Variants in DYNC2I1 observed in about 807,000 individuals in gnomAD.
The protein encoded by DYNC2I1 is cytoplasmic dynein 2 intermediate chain 1.
A neutral mutation model predicts 133.4 loss-of-function variants in DYNC2I1; 89 were observed. The ratio of observed to expected loss-of-function variants is 0.67; its 90% CI spans 0.56 to 0.80. DYNC2I1 has a LOEUF of 0.80. Among genes scored for constraint, DYNC2I1 ranks in the 30% least tolerant of loss-of-function variants. The pLI is 0.00. For synonymous variants in DYNC2I1, 504 were observed against 484.3 expected (o/e 1.04, Z -0.54); for missense variants, 1,291 against 1,314.5 (o/e 0.98, Z 0.28).
chr7:158,887,162 G>GAGGCCGAGAC, intron 7 of DYNC2I1, 87 bp downstream of exon 7: 1 of 1,378,320 alleles, frequency 7.3e-7, no homozygotes, highest in Non-Finnish European at 1.0e-6. Context: ...CTTGAAACCA[G>GAGGCCGAGAC]AGGCCGAGAC....
At chr7:158,890,294 A>G (rs953451404) in intron 7 of DYNC2I1, among the ~76,000 whole-genome samples, 4 of 152,184 alleles carry the variant, frequency 2.6e-5, no homozygotes, top group Non-Finnish European at 5.9e-5. Flanking sequence ...GAGGTAACCA[A>G]TGGGATATTT....
chr7:158,901,836 CT>C lies in DYNC2I1; in HGVS notation c.1137+23del, dbSNP rs1237017806. The C allele has an allele frequency of 2.7e-6, 4 of 1,488,384 alleles. No homozygotes were observed. The highest frequency in any genetic ancestry group is 3.6e-6 in the Non-Finnish European group (4 of 1,104,848). The allele number at this position is 1,488,384 out of a possible 1,614,324, so 92.2% of individuals were successfully genotyped here. A position where few individuals can be genotyped will look rare whatever the true frequency, so the allele number is the denominator to read the frequency against. Reference sequence around the variant, plus strand: ...TTTGAAGTATGTATAAAAGTTAAAACTTTCCTTAGCTTAAAAATCATTTATT... The same window carrying C: ...TTTGAAGTATGTATAAAAGTTAAAACTTCCTTAGCTTAAAAATCATTTATT... On this transcript the variant is annotated intron_variant, in intron 9 of 24. Coordinates refer to ENST00000407559, the MANE Select transcript of DYNC2I1 (RefSeq NM_018051.5).
intron 13 of DYNC2I1, 84 bp from the exon 14 acceptor site, chr7:158,914,149 A>AG (rs565087358): frequency 9.2e-4 from 949 of 1,036,114 alleles, no homozygotes; most frequent in Non-Finnish European, 1.3e-3. Flanking sequence ...TTGATTTGTT[A>AG]GGCCTGTTTG....
upstream of DYNC2I1, among the ~76,000 whole-genome samples, chr7:158,855,731 A>G (rs1404465846): frequency 1.3e-5 from 2 of 152,182 alleles, no homozygotes; most frequent in African/African-American, 4.8e-5. Flanking sequence ...AATTTTGAAA[A>G]GGCGGTTTCA....
At chr7:158,874,855 A>C (rs1342557128) in intron 3 of DYNC2I1, among the ~76,000 whole-genome samples, 1 of 152,162 alleles carries the variant, frequency 6.6e-6, no homozygotes, top group African/African-American at 2.4e-5. Context: ...TGTACCCCAC[A>C]TGAAGCTTCC....
At chr7:158,935,420 A>G (rs1168202361) in intron 23 of DYNC2I1, among the ~76,000 whole-genome samples, 1 of 152,254 alleles carries the variant, frequency 6.6e-6, no homozygotes, top group Non-Finnish European at 1.5e-5. Context: ...CAAGAATTAT[A>G]TGACAGTCAA....
rs569424875 is a variant in DYNC2I1 at position 158,945,127 on chromosome 7, C to T, written c.3003-454C>T. On this transcript the variant is annotated intron_variant, in intron 24 of 24. Coordinates refer to ENST00000407559, the MANE Select transcript of DYNC2I1 (RefSeq NM_018051.5). This position sits in a 1 kb window ranked among gnomAD's most constrained non-coding sequence, Gnocchi z 4.1. ...GGGCACTGGGTGGATGATGGAGGTGCTGGTCCCATGGAGGCCAGGAGTGGA... is the reference window on the plus strand; with the variant it reads ...GGGCACTGGGTGGATGATGGAGGTGTTGGTCCCATGGAGGCCAGGAGTGGA... Among the ~76,000 whole-genome samples the T allele has an allele frequency of 9.2e-5, 14 of 152,246 alleles. 1 individual carries two copies. Among genetic ancestry groups the T allele is most frequent in the African/African-American group, 3.1e-4 (13 of 41,550 alleles).
chr7:158,866,360 C>T (rs910658229), intron 1 of DYNC2I1, among the ~76,000 whole-genome samples: 1 of 151,684 alleles, frequency 6.6e-6, no homozygotes, highest in Non-Finnish European at 1.5e-5. Flanking sequence ...GTTGGACTGT[C>T]CCTGAGTGTC....
chr7:158,949,818 C>T (rs1194581952), downstream of DYNC2I1, among the ~76,000 whole-genome samples: 1 of 151,138 alleles, frequency 6.6e-6, no homozygotes, highest in Non-Finnish European at 1.5e-5. Context: ...CTTGTCTAGG[C>T]TGGAGTGCAA....
chr7:158,850,778 T>TG, the DYNC2I1 span, among the ~76,000 whole-genome samples: 1 of 152,140 alleles, frequency 6.6e-6, no homozygotes, highest in Non-Finnish European at 1.5e-5. Context: ...AATAGGAATA[T>TG]GGTGCCAAAA....
At chr7:158,906,134 GCTTAA>G in intron 11 of DYNC2I1, 43 bp downstream of exon 11, 3 of 1,530,454 alleles carry the variant, frequency 2.0e-6, no homozygotes, top group Non-Finnish European at 2.7e-6. Context: ...CAGGGTTTTA[GCTTAA>G]CTTTTCTTTC....
In DYNC2I1 at chr7:158,943,632, G is replaced by A. The variant is rs1293122451; in HGVS notation, c.3002+1484G>A. On this transcript the variant is annotated intron_variant, in intron 24 of 24. Transcript: ENST00000407559. ...TGTGCTGCTGTGGCGGGGACCGGAG[G>A]GTCTGAGCACAGGAGCCCCAGCTCT... Among the ~76,000 whole-genome samples the A allele has an allele frequency of 5.3e-5, 8 of 152,296 alleles. No individual in the cohort carries two copies. In the East Asian group the frequency reaches 1.5e-3, roughly 29 times the overall value.
chr7:158,948,408 T>C (rs1851954182), downstream of DYNC2I1, among the ~76,000 whole-genome samples: 1 of 152,264 alleles, frequency 6.6e-6, no homozygotes, highest in South Asian at 2.1e-4. Flanking sequence ...CACTTTTCTT[T>C]CAACATTTGC....
intron 8 of DYNC2I1, among the ~76,000 whole-genome samples, chr7:158,896,078 A>G (rs1309556271): frequency 6.6e-6 from 1 of 152,018 alleles, no homozygotes; most frequent in East Asian, 1.9e-4. Flanking sequence ...CTTCCCAATC[A>G]GTATACTTTT....
intron 15 of DYNC2I1, among the ~76,000 whole-genome samples, chr7:158,920,442 G>A (rs1024491020): frequency 6.6e-5 from 10 of 151,662 alleles, no homozygotes; most frequent in South Asian, 2.1e-4. Flanking sequence ...CTGGGAACAC[G>A]TGAAGTATGT....
chr7:158,859,359 A>G (rs1478084063), intron 1 of DYNC2I1, among the ~76,000 whole-genome samples: 1 of 152,118 alleles, frequency 6.6e-6, no homozygotes, highest in Admixed American at 6.5e-5. Context: ...CTTTGTGAGT[A>G]ACATTTTCTT....
the DYNC2I1 span, among the ~76,000 whole-genome samples, chr7:158,844,151 C>T: frequency 6.6e-6 from 1 of 152,198 alleles, no homozygotes; most frequent in African/African-American, 2.4e-5. Flanking sequence ...GTTTTTCTTT[C>T]ACCTTGCAGG....
At chr7:158,862,299 G>A (rs1300485457) in intron 1 of DYNC2I1, among the ~76,000 whole-genome samples, 1 of 151,954 alleles carries the variant, frequency 6.6e-6, no homozygotes, top group Non-Finnish European at 1.5e-5. Context: ...AGAAAAGGAC[G>A]AATCAGGGGA....
intron 23 of DYNC2I1, among the ~76,000 whole-genome samples, chr7:158,939,708 G>A (rs1314020825): frequency 1.3e-5 from 2 of 152,114 alleles, no homozygotes; most frequent in Admixed American, 6.5e-5. Context: ...AGACCCAACT[G>A]TAGGCTGCTC....
Sources: gnomAD v4.1 joint callset for allele counts (sites outside exome capture counted in the v4.1 genomes callset) on GRCh38, gnomAD v4.1.1 for gene constraint, Gnocchi (gnomAD v3.1) non-coding constraint, MANE v1.5 for transcripts, NCBI Gene and HGNC (gene_info 2026-07-23, HGNC 2026-07-21) for gene names.